RNF4: variants seen among roughly 807,000 people sequenced by gnomAD.
The protein encoded by RNF4 is ring finger protein 4.
RNF4 carries 7 observed loss-of-function variants against 24.3 expected under a neutral mutation model. The ratio of observed to expected loss-of-function variants is 0.29; its 90% CI spans 0.16 to 0.54. The LOEUF (loss-of-function observed/expected upper bound fraction) is 0.54, where lower values mean the gene tolerates loss of function less well. Ranked by LOEUF, RNF4 falls within the 20% of genes least tolerant of loss-of-function variation. RNF4 has a pLI of 0.95. For missense variants in RNF4, 209 were observed against 248.5 expected (o/e 0.84, Z 1.07); for synonymous variants, 83 against 84.3 (o/e 0.98, Z 0.09).
chr4:2,469,796 A>G (rs1479921867), intron 1 of RNF4: 1 of 152,486 alleles, frequency 6.6e-6, no homozygotes, highest in Non-Finnish European at 1.5e-5. Context: ...GTCGCAGTCT[A>G]AAACTTAGTA....
chr4:2,497,408 A>G (rs1446414316), intron 3 of RNF4: 9 of 230,388 alleles, frequency 3.9e-5, no homozygotes, highest in Non-Finnish European at 7.7e-5. Flanking sequence ...CAATTGCTGG[A>G]CCTTGTAAAG....
At chr4:2,508,053 C>T (rs1736155416) in intron 4 of RNF4, among the ~76,000 whole-genome samples, 1 of 152,014 alleles carries the variant, frequency 6.6e-6, no homozygotes, top group Admixed American at 6.6e-5. Flanking sequence ...GCCGTGTTGC[C>T]CAGGATGGTC....
chr4:2,511,903 T>G, intron 4 of RNF4, 53 bp from the exon 5 acceptor site: 2 of 1,560,442 alleles, frequency 1.3e-6, no homozygotes, highest in Non-Finnish European at 1.7e-6. Flanking sequence ...GTTTATCACT[T>G]ATATCAAACT....
chr4:2,504,089 G>C (rs1306203696), intron 4 of RNF4, among the ~76,000 whole-genome samples: 1 of 152,134 alleles, frequency 6.6e-6, no homozygotes, highest in Non-Finnish European at 1.5e-5. Context: ...TTTGCATACA[G>C]GTGTGCACAT....
At chr4:2,496,949 T>C in intron 2 of RNF4, 58 bp from the exon 3 acceptor site, 1 of 1,326,558 alleles carries the variant, frequency 7.5e-7, no homozygotes, top group African/African-American at 1.5e-5. Context: ...ATTTAGTTCT[T>C]CCTGAAACCC....
chr4:2,513,150 A>G lies in RNF4; in HGVS notation c.423+19A>G, dbSNP rs1360149798. On this transcript the variant is annotated intron_variant, in intron 7 of 7. Transcript: ENST00000314289. ...CTCAGAGGTAAGTAAACCAAGCTGT[A>G]TCTTCCAGGCTTCTGGTTTCTAAAC... 1.5e-5 allele frequency: 24 copies of G among 1,611,190 alleles called. No individual in the cohort carries two copies. The highest frequency in any genetic ancestry group is 2.0e-5 in the Non-Finnish European group (23 of 1,177,488).
At chr4:2,489,420 G>T (rs572845177) in intron 1 of RNF4, among the ~76,000 whole-genome samples, 171 of 152,284 alleles carry the variant, frequency 1.1e-3, no homozygotes, top group African/African-American at 4.0e-3. Context: ...TCTCACCTGT[G>T]TCTGTTTTGC....
At chr4:2,477,562 A>G (rs961346382) in intron 1 of RNF4, among the ~76,000 whole-genome samples, 1 of 152,096 alleles carries the variant, frequency 6.6e-6, no homozygotes, top group Non-Finnish European at 1.5e-5. Flanking sequence ...TCCAGCTTGG[A>G]CAACAGAGTA....
chr4:2,493,985 G>A (rs1192539159), intron 2 of RNF4, among the ~76,000 whole-genome samples: 2 of 151,790 alleles, frequency 1.3e-5, no homozygotes, highest in African/African-American at 4.8e-5. Flanking sequence ...TGGGACTACA[G>A]GTGCATGCCA....
Position 2,515,339 on chromosome 4 carries a change from CTGTT to C in RNF4, c.*1523_*1526del, listed in dbSNP as rs1018056597. 9 of 152,600 alleles carry C rather than the reference CTGTT, an allele frequency of 5.9e-5. No individual in the cohort carries two copies. The highest frequency in any genetic ancestry group is 2.2e-4 in the African/African-American group (9 of 41,448). The allele number at this position is 152,600 out of a possible 1,614,324, so 9.5% of individuals were successfully genotyped here. On this transcript the variant is annotated 3_prime_UTR_variant, in exon 8 of 8. Coordinates refer to ENST00000314289, the MANE Select transcript of RNF4 (RefSeq NM_002938.5). ...TTTATTCTTCATTCTGACTTTTTAA[CTGTT>C]TGGCTCACTTCCAGTTAGTTTGAAT...
chr4:2,497,016 C>A lies in RNF4; in HGVS notation c.19C>A (p.Arg7Ser). 7 of 1,600,288 alleles carry A rather than the reference C, an allele frequency of 4.4e-6. No homozygotes were observed. Among genetic ancestry groups the A allele is most frequent in the Non-Finnish European group, 6.0e-6 (7 of 1,173,632 alleles). Reference sequence around the variant, plus strand: ...CCCCCTTGCTACTCAGAGAAAGCGTCGTGGTGGAGCAATAAATTCTAGACA... The same window carrying A: ...CCCCCTTGCTACTCAGAGAAAGCGTAGTGGTGGAGCAATAAATTCTAGACA... MSTRKR[R>S]GGAINSRQAQ... The change falls in exon 3 of 8, where the codon CGT becomes AGT. Residue 7 changes from arginine to serine, a missense_variant. Around this residue, in one of 3 missense-constraint regions of RNF4, gnomAD observed 182 missense variants for 197.2 expected, o/e 0.92. Coordinates refer to ENST00000314289, the MANE Select transcript of RNF4 (RefSeq NM_002938.5).
chr4:2,504,651 C>T (rs1013824612), intron 4 of RNF4, among the ~76,000 whole-genome samples: 12 of 150,068 alleles, frequency 8.0e-5, no homozygotes, highest in African/African-American at 2.4e-4. Context: ...CCTGGGTTCA[C>T]GCCATTCTCC....
At chr4:2,493,001 A>G (rs1252934631) in intron 2 of RNF4, among the ~76,000 whole-genome samples, 1 of 152,190 alleles carries the variant, frequency 6.6e-6, no homozygotes, top group Non-Finnish European at 1.5e-5. Context: ...ACCAAAAGCT[A>G]TGGACCTCTG....
In RNF4 at chr4:2,490,405, A is replaced by G. The variant is rs769055742; in HGVS notation, c.-89A>G. The G allele has an allele frequency of 1.3e-5, 17 of 1,352,416 alleles. No individual in the cohort carries two copies. Among genetic ancestry groups the G allele is most frequent in the South Asian group, 2.5e-5 (2 of 80,492 alleles). 83.8% of individuals were successfully genotyped at this position (1,352,416 alleles called of 1,614,324 possible). On this transcript the variant is annotated 5_prime_UTR_variant, in exon 2 of 8. An upstream start codon of the reference 5' UTR is lost. Coordinates refer to ENST00000314289, the MANE Select transcript of RNF4 (RefSeq NM_002938.5). ...CAAGCCAGATGAGTAACCAGAGGGC[A>G]TGAAAGGTTGAGAACATTTGACTTC...
At chr4:2,473,669 G>A (rs1391210794) in intron 1 of RNF4, among the ~76,000 whole-genome samples, 4 of 152,006 alleles carry the variant, frequency 2.6e-5, no homozygotes, top group African/African-American at 9.7e-5. Context: ...AAATTAGCAG[G>A]GCGTGGTGGC....
intron 1 of RNF4, among the ~76,000 whole-genome samples, chr4:2,476,500 C>T (rs1417626673): frequency 6.6e-6 from 1 of 152,184 alleles, no homozygotes; most frequent in Non-Finnish European, 1.5e-5. Flanking sequence ...TCAAGCAATT[C>T]TCCTGCCTCA....
chr4:2,512,329 G>A lies in RNF4; in HGVS notation c.215-109G>A. ...TGAGCATGGCAGCAGTTTGTCTCTG[G>A]GGGTCCCAGGCAGGGAAGGAAGAGG... is the stretch of plus-strand genomic sequence containing the variant. On this transcript the variant is annotated intron_variant, in intron 5 of 7. Coordinates refer to ENST00000314289, the MANE Select transcript of RNF4 (RefSeq NM_002938.5). This position sits in a 1 kb window ranked among gnomAD's most constrained non-coding sequence, Gnocchi z 4.1. 1 of 1,298,132 alleles carries A rather than the reference G, an allele frequency of 7.7e-7. No homozygotes were observed. The highest frequency in any genetic ancestry group is 1.1e-6 in the Non-Finnish European group (1 of 921,268). 80.4% of individuals were successfully genotyped at this position (1,298,132 alleles called of 1,614,324 possible).
chr4:2,476,072 C>G (rs1735062019), intron 1 of RNF4, among the ~76,000 whole-genome samples: 1 of 152,192 alleles, frequency 6.6e-6, no homozygotes, highest in Non-Finnish European at 1.5e-5. Context: ...TTTATTGATT[C>G]TCAGTAACTG....
chr4:2,506,119 C>T (rs1736092267), intron 4 of RNF4: 1 of 152,148 alleles, frequency 6.6e-6, no homozygotes. Context: ...GTTTTGGTTC[C>T]TTGAGTCCTA....
Sources: allele counts gnomAD v4.1 joint callset (sites outside exome capture counted in the v4.1 genomes callset), GRCh38; gene constraint gnomAD v4.1.1; regional missense constraint gnomAD v4.1.1; non-coding constraint Gnocchi (gnomAD v3.1); transcripts MANE v1.5; gene names NCBI Gene and HGNC (gene_info 2026-07-23, HGNC 2026-07-21).